Variants in NPR3 observed in about 807,000 individuals in gnomAD.
NPR3 encodes the protein natriuretic peptide receptor 3, also known as atrial natriuretic peptide receptor 3.
A neutral mutation model predicts 54.5 loss-of-function variants in NPR3; 34 were observed. The observed-to-expected ratio is 0.62, with a 90% CI of 0.47 to 0.83. The LOEUF is 0.83. Among genes scored for constraint, NPR3 ranks in the 40% least tolerant of loss-of-function variants. NPR3 has a pLI of 0.00. For missense variants in NPR3, 674 were observed against 720.8 expected (o/e 0.94, Z 0.74); for synonymous variants, 289 against 297.1 (o/e 0.97, Z 0.28).
At chr5:32,784,634 C>T (rs1395684777) in intron 6 of NPR3, among the ~76,000 whole-genome samples, 162 bp from the exon 7 acceptor site, 1 of 152,058 alleles carries the variant, frequency 6.6e-6, no homozygotes, top group African/African-American at 2.4e-5. Flanking sequence ...CAAACAAAAA[C>T]ATAAAACAAA....
rs1008960196 is a variant in NPR3, at chr5:32,711,324, G to T, written c.-453G>T. 1.5e-5 allele frequency: 15 copies of T among 986,064 alleles called. No homozygotes were observed. In the African/African-American group the frequency reaches 2.6e-4, roughly 17 times the overall value. The allele number at this position is 986,064 out of a possible 1,614,324, so 61.1% of individuals were successfully genotyped here. ...GCGGGCTATGGATCCAGGAACCGGC[G>T]CGAATCAATGAGATCAAATGCGAGG... On this transcript the variant is annotated 5_prime_UTR_variant, in exon 1 of 8. Coordinates refer to ENST00000265074, the MANE Select transcript of NPR3 (RefSeq NM_001204375.2).
chr5:32,764,788 CAAAAAA>C (rs568944478), intron 3 of NPR3, among the ~76,000 whole-genome samples: 57 of 36,484 alleles, frequency 1.6e-3, no homozygotes, highest in African/African-American at 5.5e-3. Context: ...GGGTCCATCT[CAAAAAA>C]AAAAAAAAAA....
At chr5:32,742,144 C>T (rs1740070111) in intron 3 of NPR3, among the ~76,000 whole-genome samples, 1 of 151,868 alleles carries the variant, frequency 6.6e-6, no homozygotes, top group Non-Finnish European at 1.5e-5. Flanking sequence ...CTTAGAACTC[C>T]AGTTCATGAT....
intron 3 of NPR3, among the ~76,000 whole-genome samples, chr5:32,752,277 A>G (rs1456041532): frequency 6.6e-6 from 1 of 152,176 alleles, no homozygotes; most frequent in Admixed American, 6.5e-5. Flanking sequence ...TTTTGATACT[A>G]GTTTTGCACA....
intron 3 of NPR3, among the ~76,000 whole-genome samples, chr5:32,754,578 C>T (rs1455988834): frequency 6.6e-6 from 1 of 152,020 alleles, no homozygotes; most frequent in African/African-American, 2.4e-5. Context: ...CAAAGGAGCT[C>T]AAGCTGTAGG....
chr5:32,780,592 C>T, intron 4 of NPR3, 130 bp from the exon 5 acceptor site: 2 of 705,818 alleles, frequency 2.8e-6, no homozygotes, highest in South Asian at 1.5e-5. Context: ...CAAAAATGCT[C>T]AGAGTCTGAT....
At chr5:32,756,586 G>A (rs1208579199) in intron 3 of NPR3, among the ~76,000 whole-genome samples, 4 of 152,148 alleles carry the variant, frequency 2.6e-5, no homozygotes, top group Non-Finnish European at 5.9e-5. Flanking sequence ...TTCTTTTGCT[G>A]TGCAGAAGCT....
chr5:32,763,325 C>T (rs1246610799), intron 3 of NPR3, among the ~76,000 whole-genome samples: 1 of 152,012 alleles, frequency 6.6e-6, no homozygotes, highest in Non-Finnish European at 1.5e-5. Context: ...TATTTATTTA[C>T]TTTTTGAGAC....
chr5:32,714,076 G>T (rs1738412764), intron 1 of NPR3, among the ~76,000 whole-genome samples: 1 of 152,232 alleles, frequency 6.6e-6, no homozygotes, highest in African/African-American at 2.4e-5. Flanking sequence ...GGGTGTCTGC[G>T]CCCCGGGCTG....
chr5:32,739,616 C>T (rs966482449), intron 3 of NPR3, among the ~76,000 whole-genome samples: 4 of 152,094 alleles, frequency 2.6e-5, no homozygotes, highest in Non-Finnish European at 5.9e-5. Flanking sequence ...CAAGAGTGGA[C>T]AAGAGTCAGA....
rs778834560 is a variant in NPR3 at position 32,789,403 on chromosome 5, T to C, written c.*3058T>C. On this transcript the variant is annotated 3_prime_UTR_variant, in exon 8 of 8. Transcript: ENST00000265074. Reference sequence around the variant, plus strand: ...CCCTCAAGACTGACCACAGGTTTCATGAGAAGGTCCCTGAAAACATCACAT... The same window carrying C: ...CCCTCAAGACTGACCACAGGTTTCACGAGAAGGTCCCTGAAAACATCACAT... 5.8e-6 allele frequency: 3 copies of C among 513,416 alleles called. No homozygotes were observed. The East Asian group carries it at 1.6e-4, about 28-fold the overall frequency. The allele number at this position is 513,416 out of a possible 1,614,324, so 31.8% of individuals were successfully genotyped here.
intron 3 of NPR3, among the ~76,000 whole-genome samples, chr5:32,767,012 G>A (rs1031019577): frequency 6.6e-6 from 1 of 152,168 alleles, no homozygotes; most frequent in East Asian, 1.9e-4. Context: ...CTCTCCAGGT[G>A]CAGTTTCTGT....
chr5:32,744,880 A>T (rs1740216906), intron 3 of NPR3, among the ~76,000 whole-genome samples: 1 of 152,198 alleles, frequency 6.6e-6, no homozygotes, highest in Non-Finnish European at 1.5e-5. Flanking sequence ...TAAACTCTAC[A>T]AAAGCAGGAA....
At chr5:32,704,034 C>T (rs1457291831) in intron 1 of NPR3, among the ~76,000 whole-genome samples, 5 of 152,214 alleles carry the variant, frequency 3.3e-5, no homozygotes, top group Admixed American at 2.6e-4. Context: ...AGGTTCCAAC[C>T]ACTAGGATGG....
At chr5:32,695,230 G>A (rs1579564117) in intron 1 of NPR3, among the ~76,000 whole-genome samples, 1 of 152,226 alleles carries the variant, frequency 6.6e-6, no homozygotes, top group East Asian at 1.9e-4. Flanking sequence ...CCCAACAGAG[G>A]GGTTGCTGGA....
chr5:32,771,023 A>T (rs1174580592), intron 3 of NPR3, among the ~76,000 whole-genome samples: 1 of 151,744 alleles, frequency 6.6e-6, no homozygotes, highest in East Asian at 1.9e-4. Flanking sequence ...GCCAATAGGA[A>T]GTGTTCTTAA....
chr5:32,770,800 T>C (rs1741716277), intron 3 of NPR3, among the ~76,000 whole-genome samples: 1 of 152,220 alleles, frequency 6.6e-6, no homozygotes, highest in Non-Finnish European at 1.5e-5. Context: ...TTATGGCTGA[T>C]GATAGTAAGG....
At chr5:32,726,636 G>C in intron 2 of NPR3, among the ~76,000 whole-genome samples, 1 of 152,132 alleles carries the variant, frequency 6.6e-6, no homozygotes. Flanking sequence ...AGAGGCATGA[G>C]GTCTGGCAAG....
chr5:32,710,859 G>GTTTTTTTTTTTTTTTTTT (rs56022335), upstream of NPR3: 2,708 of 978,006 alleles, frequency 2.8e-3, 57 homozygotes, highest in African/African-American at 7.3e-3. Context: ...CCCAGTCCTG[G>GTTTTTTTTTTTTTTTTTT]TTTTTTTTTT....
Sources: gnomAD v4.1 joint callset for allele counts (sites outside exome capture counted in the v4.1 genomes callset) on GRCh38, gnomAD v4.1.1 for gene constraint, MANE v1.5 for transcripts, NCBI Gene and HGNC (gene_info 2026-07-23, HGNC 2026-07-21) for gene names.